Variants in MGAT4A observed in about 807,000 individuals in gnomAD.
The protein encoded by MGAT4A is alpha-1,3-mannosyl-glycoprotein 4-beta-N-acetylglucosaminyltransferase A.
MGAT4A carries 33 observed loss-of-function variants against 74.1 expected under a neutral mutation model. The observed-to-expected ratio is 0.45, with a 90% confidence interval of 0.34 to 0.60. MGAT4A has a LOEUF of 0.60. Among genes scored for constraint, MGAT4A ranks in the 20% least tolerant of loss-of-function variants. The pLI is 0.02. For missense variants in MGAT4A, 479 were observed against 628.3 expected (o/e 0.76, Z 2.54); for synonymous variants, 198 against 210.4 (o/e 0.94, Z 0.51).
intron 2 of MGAT4A, among the ~76,000 whole-genome samples, chr2:98,716,860 C>T (rs1336186643): frequency 1.3e-5 from 2 of 152,004 alleles, no homozygotes; most frequent in Non-Finnish European, 2.9e-5. Flanking sequence ...AATGTAAATG[C>T]TAGATAAATA....
intron 14 of MGAT4A, among the ~76,000 whole-genome samples, chr2:98,631,927 T>G (rs1366960349): frequency 6.6e-6 from 1 of 151,342 alleles, no homozygotes; most frequent in Admixed American, 6.6e-5. Flanking sequence ...CTGGCCAACA[T>G]GGCGAAACCC....
In MGAT4A at chr2:98,723,558, T is replaced by A. The variant is rs10207621; in HGVS notation, c.94+2681A>T. 7.6e-3 allele frequency among the ~76,000 whole-genome samples: 1,153 copies of A among 152,290 alleles called. 18 individuals are homozygous for A. Among genetic ancestry groups the A allele is most frequent in the African/African-American group, 0.027 (1,121 of 41,542 alleles). ...TGTCTGTTGGTGCGCTGTTGGGGTT[T>A]GAATCCATACAAGAACCTTGCAGTA... is the stretch of plus-strand genomic sequence containing the variant. On this transcript the variant is annotated intron_variant, in intron 2 of 15. Transcript: ENST00000393487.
chr2:98,719,236 T>C (rs981502479), intron 2 of MGAT4A, among the ~76,000 whole-genome samples: 2 of 152,166 alleles, frequency 1.3e-5, no homozygotes, highest in African/African-American at 2.4e-5. Flanking sequence ...AATTTTATCA[T>C]AGAATACATT....
intron 4 of MGAT4A, among the ~76,000 whole-genome samples, chr2:98,671,748 C>T (rs1385434748): frequency 2.0e-5 from 3 of 151,730 alleles, no homozygotes; most frequent in Admixed American, 6.6e-5. Context: ...GATTAAAGTT[C>T]TTGAGATGGG....
intron 8 of MGAT4A, among the ~76,000 whole-genome samples, chr2:98,650,375 GACAT>G (rs751310307): frequency 6.6e-6 from 1 of 151,998 alleles, no homozygotes; most frequent in Non-Finnish European, 1.5e-5. Flanking sequence ...GATAGAAATG[GACAT>G]ACAAATTCAA....
chr2:98,660,418 G>GCACACACACA lies in MGAT4A; in HGVS notation c.538-2164_538-2155dup, dbSNP rs534943882. Among the ~76,000 whole-genome samples the GCACACACACA allele has an allele frequency of 4.7e-3, 660 of 141,688 alleles. 4 individuals are homozygous for GCACACACACA. Among genetic ancestry groups the GCACACACACA allele is most frequent in the South Asian group, 7.6e-3 (34 of 4,468 alleles). 93.0% of individuals were successfully genotyped at this position (141,688 alleles called of 152,430 possible). A position where few individuals can be genotyped will look rare whatever the true frequency, so the allele number is the denominator to read the frequency against. On this transcript the variant is annotated intron_variant, in intron 5 of 15. Transcript: ENST00000393487. The stretch of plus-strand genomic sequence containing the variant: ...CACACACACACACACACACGCACGC[G>GCACACACACA]CACACACACACACACACACACACAC...
At chr2:98,692,061 T>G (rs1004896304) in intron 2 of MGAT4A, among the ~76,000 whole-genome samples, 1 of 152,174 alleles carries the variant, frequency 6.6e-6, no homozygotes, top group Admixed American at 6.5e-5. Context: ...CAGTTGAAAT[T>G]TTTTTAAGTT....
At chr2:98,681,660 T>C (rs1328220301) in intron 2 of MGAT4A, among the ~76,000 whole-genome samples, 2 of 152,068 alleles carry the variant, frequency 1.3e-5, no homozygotes, top group African/African-American at 4.8e-5. Context: ...TAAAATAAAA[T>C]AGAACTCTTT....
Position 98,625,348 on chromosome 2 carries a change from T to C in MGAT4A, c.*218A>G. On this transcript the variant is annotated 3_prime_UTR_variant, in exon 16 of 16. Transcript: ENST00000393487. ...AGTCATATTAACAGGCTGTCATAAT[T>C]GAAAAATGTTTGAGTCAAGTTAAAA... 1 of 1,338,944 alleles carries C rather than the reference T, an allele frequency of 7.5e-7. No homozygotes were observed. The highest frequency in any genetic ancestry group is 3.5e-5 in the Admixed American group (1 of 28,204). The allele number at this position is 1,338,944 out of a possible 1,614,324, so 82.9% of individuals were successfully genotyped here. A position where few individuals can be genotyped will look rare whatever the true frequency, so the allele number is the denominator to read the frequency against.
intron 3 of MGAT4A, among the ~76,000 whole-genome samples, chr2:98,677,509 G>A (rs1378853410): frequency 6.6e-6 from 1 of 152,130 alleles, no homozygotes; most frequent in African/African-American, 2.4e-5. Context: ...CTGGAATGCA[G>A]TGGCAGGATC....
chr2:98,641,167 A>G (rs1406921354), intron 10 of MGAT4A, among the ~76,000 whole-genome samples: 1 of 151,486 alleles, frequency 6.6e-6, no homozygotes, highest in African/African-American at 2.4e-5. Context: ...TAGACTTTTC[A>G]TTTTCAATAA....
At position 98,625,509 on chromosome 2, in the gene MGAT4A, C is replaced by T. The variant is rs1003115806; in HGVS notation, c.*57G>A. On this transcript the variant is annotated 3_prime_UTR_variant, in exon 16 of 16. Coordinates refer to ENST00000393487, the MANE Select transcript of MGAT4A (RefSeq NM_012214.3). ...AGTAGAAATAAAAAAAAGATACATGCTTAACTATCTTTAATTAACAAATTC... is the reference window on the plus strand; with the variant it reads ...AGTAGAAATAAAAAAAAGATACATGTTTAACTATCTTTAATTAACAAATTC... The T allele has an allele frequency of 3.8e-6, 6 of 1,597,820 alleles. No individual in the cohort carries two copies. The highest frequency in any genetic ancestry group is 5.1e-6 in the Non-Finnish European group (6 of 1,175,050).
At chr2:98,723,468 A>T (rs779503161) in intron 2 of MGAT4A, among the ~76,000 whole-genome samples, 1 of 152,140 alleles carries the variant, frequency 6.6e-6, no homozygotes, top group Non-Finnish European at 1.5e-5. Context: ...CTTGGGGCTG[A>T]CACCATTTTA....
intron 8 of MGAT4A, among the ~76,000 whole-genome samples, chr2:98,654,809 A>T (rs1701635540): frequency 6.6e-6 from 1 of 152,194 alleles, no homozygotes; most frequent in South Asian, 2.1e-4. Flanking sequence ...CCTCAAATTT[A>T]CATGGAGTCT....
chr2:98,636,799 T>G (rs1164316323), intron 12 of MGAT4A, among the ~76,000 whole-genome samples: 2 of 152,206 alleles, frequency 1.3e-5, no homozygotes, highest in African/African-American at 4.8e-5. Context: ...GACTCCTAGG[T>G]GATAAGTTCA....
chr2:98,705,948 C>CAAAAAAAAAA (rs35710005), intron 2 of MGAT4A, among the ~76,000 whole-genome samples: 2 of 47,510 alleles, frequency 4.2e-5, no homozygotes, highest in African/African-American at 8.7e-5. Flanking sequence ...GACTCCGTCT[C>CAAAAAAAAAA]AAAAAAAAAA....
intron 2 of MGAT4A, among the ~76,000 whole-genome samples, chr2:98,706,075 T>C (rs1056172257): frequency 6.7e-6 from 1 of 149,312 alleles, no homozygotes; most frequent in Admixed American, 6.7e-5. Context: ...TTGATAAAAA[T>C]AGTAACACAG....
intron 1 of MGAT4A, among the ~76,000 whole-genome samples, chr2:98,730,791 C>T (rs1702842546): frequency 6.8e-6 from 1 of 147,948 alleles, no homozygotes; most frequent in Non-Finnish European, 1.5e-5. Flanking sequence ...ACGGCCCGGC[C>T]CGCGCCCCGC....
At chr2:98,715,099 T>A (rs903495454) in intron 2 of MGAT4A, among the ~76,000 whole-genome samples, 11 of 152,034 alleles carry the variant, frequency 7.2e-5, no homozygotes, top group African/African-American at 2.4e-4. Flanking sequence ...GTGGATCACC[T>A]GAGGTCAAGA....
Sources: allele counts gnomAD v4.1 joint callset (sites outside exome capture counted in the v4.1 genomes callset), GRCh38; gene constraint gnomAD v4.1.1; transcripts MANE v1.5; gene names NCBI Gene and HGNC (gene_info 2026-07-23, HGNC 2026-07-21).